The following FAT3 variants were observed in gnomAD, a reference collection of about 807,000 sequenced individuals.
FAT3 encodes FAT atypical cadherin 3.
FAT3 carries 95 observed loss-of-function variants against 310.2 expected under a neutral mutation model. The observed-to-expected ratio is 0.31, with a 90% CI of 0.26 to 0.36. The LOEUF (loss-of-function observed/expected upper bound fraction) is 0.36, where lower values mean the gene tolerates loss of function less well. FAT3 is among the 10% of genes least tolerant of loss of function. The probability of loss-of-function intolerance (pLI) is 1.00; values close to 1 mark genes in which losing one functional copy is unlikely to be tolerated. For synonymous variants in FAT3, 2,314 were observed against 2,192.9 expected, an observed-to-expected ratio of 1.06 and a Z score of -1.54; for missense variants, 5,408 against 5,715.6, an observed-to-expected ratio of 0.95 and a Z score of 1.74.
intron 13 of FAT3, among the ~76,000 whole-genome samples, chr11:92,814,533 A>G (rs1947770550): frequency 6.6e-6 from 1 of 152,210 alleles, no homozygotes; most frequent in Non-Finnish European, 1.5e-5. Flanking sequence ...TTTCCTGTCA[A>G]TTGGAAATAT....
At chr11:92,225,527 G>A (rs1400811894) in intron 1 of FAT3, among the ~76,000 whole-genome samples, 2 of 152,120 alleles carry the variant, frequency 1.3e-5, no homozygotes, top group Non-Finnish European at 2.9e-5. Flanking sequence ...AGCCGCCCCT[G>A]CAGGTGGATG....
Position 92,354,477 on chromosome 11 carries a change from A to G in FAT3, c.2365A>G (p.Met789Val). 1.2e-6 allele frequency: 2 copies of G among 1,613,924 alleles called. No individual in the cohort carries two copies. The highest frequency in any genetic ancestry group is 1.7e-6 in the Non-Finnish European group (2 of 1,179,882). ...TGGGCAGCTTAAAGTCCTTATGCCC[A>G]TGGATCGAGAACACACAGACCTCTA... ...ETGQLKVLMPMDREHTDLYLL... is the reference protein window; with the variant it reads ...ETGQLKVLMPVDREHTDLYLL... Residue 789 changes from methionine to valine, a missense_variant, in exon 2 of 28, where the codon ATG (methionine) becomes GTG (valine). Physicochemically the swap from Met to Val is conservative, Grantham distance 21 (BLOSUM62 1). Transcript: ENST00000525166.
At chr11:92,268,214 T>C (rs1946022802) in intron 1 of FAT3, among the ~76,000 whole-genome samples, 1 of 152,088 alleles carries the variant, frequency 6.6e-6, no homozygotes, top group Non-Finnish European at 1.5e-5. Flanking sequence ...TAACTGATAC[T>C]CAGAGAGGTT....
intron 5 of FAT3, among the ~76,000 whole-genome samples, chr11:92,762,790 T>G (rs1946189246): frequency 6.6e-6 from 1 of 152,176 alleles, no homozygotes; most frequent in Admixed American, 6.5e-5. Flanking sequence ...TGTGCTCCCC[T>G]GATCCCAACC....
At chr11:92,234,350 C>T (rs187780741) in intron 1 of FAT3, among the ~76,000 whole-genome samples, 1 of 152,234 alleles carries the variant, frequency 6.6e-6, no homozygotes, top group Admixed American at 6.5e-5. Context: ...GACCTTCTCC[C>T]TCAGTACTGC....
intron 19 of FAT3, among the ~76,000 whole-genome samples, chr11:92,850,513 G>A (rs1948798721): frequency 1.3e-5 from 2 of 152,184 alleles, no homozygotes; most frequent in South Asian, 4.1e-4. Flanking sequence ...AGAACCATAA[G>A]AAATGACTTC....
chr11:92,229,457 AT>A (rs1864055939), intron 1 of FAT3, among the ~76,000 whole-genome samples: 1 of 78,908 alleles, frequency 1.3e-5, no homozygotes, highest in Admixed American at 1.2e-4. Flanking sequence ...AATAAGCTTT[AT>A]TCCTTTCCTT....
In FAT3 at chr11:92,890,943, G is replaced by A. The variant is rs373934891; in HGVS notation, c.13600G>A (p.Val4534Met). ...AGAGCCCACAGGCCCAGCAGACAGC[G>A]TGTCTCTGTCCTTGCACAATTCCAG... Reference protein sequence around the residue: ...GTEPTGPADSVSLSLHNSRGT... With the variant: ...GTEPTGPADSMSLSLHNSRGT... Residue 4534 changes from valine to methionine, a missense_variant, in exon 28 of 28, where the codon GTG becomes ATG. Physicochemically the swap from Val to Met is conservative, Grantham distance 21. Transcript: ENST00000525166. The A allele has an allele frequency of 8.3e-5, 134 of 1,613,866 alleles. No homozygotes were observed. The highest frequency in any genetic ancestry group is 1.5e-4 in the Admixed American group (9 of 59,994).
rs769658150 is a variant in FAT3, at chr11:92,799,781, G to A, written c.6768G>A (p.Leu2256=). The stretch of plus-strand genomic sequence containing the variant: ...ATGAAGTTACATCTGCTTACAAGCT[G>A]ACAATAAGAGCCAGCGACGCCCTTA... The part of the protein sequence containing the change: ...LDYEVTSAYK[L]TIRASDALTG... The change falls in exon 10 of 28, where the codon CTG becomes CTA. Residue 2256 remains leucine (L), a synonymous_variant. Coordinates refer to ENST00000525166, the MANE Select transcript of FAT3 (RefSeq NM_001367949.2). 6.2e-7 allele frequency: 1 copy of A among 1,612,718 alleles called. No homozygotes were observed.
intron 7 of FAT3, among the ~76,000 whole-genome samples, chr11:92,785,257 C>A (rs1337248729): frequency 6.6e-6 from 1 of 151,966 alleles, no homozygotes; most frequent in Non-Finnish European, 1.5e-5. Flanking sequence ...AAATAATGTT[C>A]TGGAATACAG....
chr11:92,867,274 G>T, intron 22 of FAT3, 65 bp downstream of exon 22: 1 of 1,438,158 alleles, frequency 7.0e-7, no homozygotes, highest in South Asian at 1.4e-5. Context: ...GAACTGCAGG[G>T]GGATCCCTGC....
Position 92,605,648 on chromosome 11 carries a change from T to C in FAT3, c.3607+80700T>C, listed in dbSNP as rs1940241567. On this transcript the variant is annotated intron_variant, in intron 3 of 27. Transcript: ENST00000525166. ...TGGAATAATAATAGTTAAAATCACT[T>C]ACAGATTACTTTGTGTACTCTTACA... 1.3e-5 allele frequency among the ~76,000 whole-genome samples: 2 copies of C among 151,440 alleles called. 1 individual carries two copies. The highest frequency in any genetic ancestry group is 4.2e-4 in the South Asian group (2 of 4,804).
intron 27 of FAT3, among the ~76,000 whole-genome samples, chr11:92,890,278 G>A (rs1949886939): frequency 6.6e-6 from 1 of 152,180 alleles, no homozygotes; most frequent in African/African-American, 2.4e-5. Flanking sequence ...TGAGTGTGAG[G>A]CTCTGCAGCA....
At chr11:92,507,680 A>T (rs1416972255) in intron 2 of FAT3, among the ~76,000 whole-genome samples, 1 of 149,150 alleles carries the variant, frequency 6.7e-6, no homozygotes, top group African/African-American at 2.6e-5. Flanking sequence ...ACACATATGC[A>T]CACATGTGTA....
In FAT3 at chr11:92,892,304, T is replaced by C. The variant is rs1470763306; in HGVS notation, c.*1191T>C. 1 of 152,202 alleles carries C rather than the reference T, an allele frequency of 6.6e-6. No individual in the cohort carries two copies. The highest frequency in any genetic ancestry group is 1.9e-4 in the East Asian group (1 of 5,192). 9.4% of individuals were successfully genotyped at this position (152,202 alleles called of 1,614,324 possible). ...GAAAATTCTGCCGGCGAGCATGGCA[T>C]ACCTTTCAATTTCTCTGATCTCTAT... On this transcript the variant is annotated 3_prime_UTR_variant, in exon 28 of 28. Coordinates refer to ENST00000525166, the MANE Select transcript of FAT3 (RefSeq NM_001367949.2).
At chr11:92,669,062 C>T (rs573758379) in intron 3 of FAT3, among the ~76,000 whole-genome samples, 105 of 152,282 alleles carry the variant, frequency 6.9e-4, no homozygotes, top group Admixed American at 3.3e-3. Flanking sequence ...TGTGAAGCAT[C>T]CCTGGTTTTC....
At chr11:92,239,743 G>T (rs1418920058) in intron 1 of FAT3, among the ~76,000 whole-genome samples, 1 of 152,082 alleles carries the variant, frequency 6.6e-6, no homozygotes, top group Non-Finnish European at 1.5e-5. Flanking sequence ...CTTCTCAGCT[G>T]AATGTAAATA....
intron 13 of FAT3, 132 bp downstream of exon 13, chr11:92,810,208 C>A: frequency 1.3e-6 from 1 of 766,184 alleles, no homozygotes; most frequent in Non-Finnish European, 2.1e-6. Flanking sequence ...ACATTAAACC[C>A]CATTTCAGCT....
chr11:92,878,664 A>C (rs1379330435), intron 22 of FAT3, among the ~76,000 whole-genome samples: 1 of 70,876 alleles, frequency 1.4e-5, no homozygotes, highest in African/African-American at 1.1e-4. Context: ...AAAAAAAAAA[A>C]AAAGCTCCGC....
Sources: allele counts gnomAD v4.1 joint callset (sites outside exome capture counted in the v4.1 genomes callset), GRCh38; gene constraint gnomAD v4.1.1; transcripts MANE v1.5; gene names NCBI Gene and HGNC (gene_info 2026-07-23, HGNC 2026-07-21).